SIMC1: variants seen among roughly 807,000 people sequenced by gnomAD.
The protein encoded by SIMC1 is SUMO-interacting motif-containing protein 1.
In SIMC1, 55 loss-of-function variants were observed where a neutral mutation model predicts 82.3. That is an observed-to-expected ratio of 0.67 (90% confidence interval 0.54 to 0.84). The LOEUF (loss-of-function observed/expected upper bound fraction) is 0.84, where lower values mean the gene tolerates loss of function less well. Among genes scored for constraint, SIMC1 ranks in the 40% least tolerant of loss-of-function variants. The pLI is 0.00. For synonymous variants in SIMC1, 353 were observed against 426.3 expected (o/e 0.83, Z 2.12); for missense variants, 915 against 1,107.2 (o/e 0.83, Z 2.46).
intron 5 of SIMC1, among the ~76,000 whole-genome samples, chr5:176,321,918 T>C (rs1007857999): frequency 1.2e-5 from 1 of 86,692 alleles, no homozygotes; most frequent in African/African-American, 4.5e-5. Flanking sequence ...TAGAGTTGGG[T>C]TCTTGCTGTG....
At chr5:176,282,412 G>A (rs571955551) in intron 1 of SIMC1, among the ~76,000 whole-genome samples, 54 of 152,338 alleles carry the variant, frequency 3.5e-4, no homozygotes, top group Admixed American at 1.2e-3. Flanking sequence ...GCCCTGCTTC[G>A]GCTCGCGCAT....
chr5:176,327,421 A>T (rs1164697087), intron 7 of SIMC1, among the ~76,000 whole-genome samples: 2 of 152,214 alleles, frequency 1.3e-5, no homozygotes, highest in African/African-American at 4.8e-5. Flanking sequence ...ATCATTTTCC[A>T]ATTGCTCATT....
intron 1 of SIMC1, among the ~76,000 whole-genome samples, chr5:176,277,641 G>T (rs993697316): frequency 4.6e-5 from 7 of 152,012 alleles, no homozygotes; most frequent in Non-Finnish European, 8.8e-5. Context: ...TGTAAGGAAG[G>T]GATTCAGTTT....
chr5:176,279,670 T>G (rs1348639271), intron 1 of SIMC1, among the ~76,000 whole-genome samples: 2 of 151,168 alleles, frequency 1.3e-5, no homozygotes, highest in Admixed American at 6.6e-5. Context: ...TCTGGTATGT[T>G]GTGTCTTTGT....
intron 7 of SIMC1, among the ~76,000 whole-genome samples, chr5:176,329,111 T>C: frequency 6.6e-6 from 1 of 152,270 alleles, no homozygotes; most frequent in East Asian, 1.9e-4. Context: ...ATGCACTCAT[T>C]TGTGTGAAGC....
chr5:176,299,309 C>T (rs568277468), intron 4 of SIMC1, among the ~76,000 whole-genome samples: 6 of 151,898 alleles, frequency 4.0e-5, no homozygotes, highest in Admixed American at 2.6e-4. Context: ...GGGAGGATCC[C>T]GTGAGCCCAG....
chr5:176,276,762 A>G (rs1421798614), intron 1 of SIMC1, among the ~76,000 whole-genome samples: 1 of 139,706 alleles, frequency 7.2e-6, no homozygotes, highest in East Asian at 2.1e-4. Context: ...CCATGTCCCT[A>G]CAAAGGACAT....
chr5:176,295,146 C>T lies in SIMC1; in HGVS notation c.1548C>T (p.Pro516=), dbSNP rs753007146. The T allele has an allele frequency of 1.6e-5, 26 of 1,613,302 alleles. No homozygotes were observed. The African/African-American group carries it at 2.7e-4, about 17-fold the overall frequency. Residue 516 remains proline, a synonymous_variant, in exon 3 of 10, where the codon CCC becomes CCT. Transcript: ENST00000429602. ...AGTTTTTGATGGACTTTGTGTCACC[C>T]CAGCATTACCCACCAAGAGAAATCG... ...TVQFLMDFVS[P]QHYPPREIVA...
At chr5:176,248,296 G>A (rs1039889976) in intron 1 of SIMC1, among the ~76,000 whole-genome samples, 1 of 152,064 alleles carries the variant, frequency 6.6e-6, no homozygotes, top group Non-Finnish European at 1.5e-5. Flanking sequence ...GCAGTGGTTT[G>A]TAGTTCTCCT....
At chr5:176,343,624 A>G (rs1472170549) in intron 9 of SIMC1, among the ~76,000 whole-genome samples, 1 of 152,198 alleles carries the variant, frequency 6.6e-6, no homozygotes, top group African/African-American at 2.4e-5. Flanking sequence ...CTATTGATCC[A>G]TGTATATACC....
chr5:176,285,424 A>G (rs1334118910), intron 1 of SIMC1, among the ~76,000 whole-genome samples: 3 of 152,360 alleles, frequency 2.0e-5, no homozygotes, highest in East Asian at 3.9e-4. Flanking sequence ...AAGGCCTTTG[A>G]CAAAATTCAA....
At chr5:176,251,799 C>T (rs1429571709) in intron 1 of SIMC1, among the ~76,000 whole-genome samples, 2 of 150,494 alleles carry the variant, frequency 1.3e-5, no homozygotes, top group South Asian at 2.1e-4. Flanking sequence ...GAGCATGCTG[C>T]CTTCAAGCAT....
intron 1 of SIMC1, among the ~76,000 whole-genome samples, chr5:176,257,549 C>T (rs1761886529): frequency 6.6e-6 from 1 of 152,110 alleles, no homozygotes; most frequent in East Asian, 1.9e-4. Context: ...ACAACCAGAT[C>T]TCTCAATAGC....
chr5:176,254,866 A>G (rs1224900347), intron 1 of SIMC1, among the ~76,000 whole-genome samples: 1 of 152,270 alleles, frequency 6.6e-6, no homozygotes, highest in Non-Finnish European at 1.5e-5. Flanking sequence ...AGAGGAATCA[A>G]ATAGGGACAA....
intron 1 of SIMC1, among the ~76,000 whole-genome samples, chr5:176,252,316 G>A (rs1395435026): frequency 7.9e-5 from 12 of 151,360 alleles, no homozygotes; most frequent in African/African-American, 1.5e-4. Flanking sequence ...GAGACGCTCC[G>A]GGCAGAGACG....
intron 4 of SIMC1, 158 bp from the exon 5 acceptor site, chr5:176,313,533 C>T (rs1181510551): frequency 1.9e-6 from 3 of 1,547,822 alleles, no homozygotes; most frequent in Non-Finnish European, 2.6e-6. Context: ...TCATAATGAC[C>T]CAGACTACCT....
At chr5:176,331,902 G>A (rs886418020) in intron 7 of SIMC1, among the ~76,000 whole-genome samples, 3 of 151,800 alleles carry the variant, frequency 2.0e-5, no homozygotes, top group Non-Finnish European at 4.4e-5. Flanking sequence ...CCAGGAGGCC[G>A]AGGCTGCAGT....
At chr5:176,325,956 C>T (rs1396241032) in intron 7 of SIMC1, among the ~76,000 whole-genome samples, 4 of 152,086 alleles carry the variant, frequency 2.6e-5, no homozygotes, top group Non-Finnish European at 2.9e-5. Context: ...TGAAGTATTT[C>T]ATTAGGAAGG....
chr5:176,344,496 CACA>C (rs1234425785), intron 9 of SIMC1, among the ~76,000 whole-genome samples: 7 of 131,858 alleles, frequency 5.3e-5, no homozygotes, highest in Non-Finnish European at 8.3e-5. Context: ...CACACACACA[CACA>C]CACACACCTG....
Sources: gnomAD v4.1 joint callset for allele counts (sites outside exome capture counted in the v4.1 genomes callset) on GRCh38, gnomAD v4.1.1 for gene constraint, MANE v1.5 for transcripts, NCBI Gene and HGNC (gene_info 2026-07-23, HGNC 2026-07-21) for gene names.